Variants in ADH1A observed in about 807,000 individuals in gnomAD.
The protein encoded by ADH1A is alcohol dehydrogenase 1A (class I), alpha polypeptide.
ADH1A carries 29 observed loss-of-function variants against 35.2 expected under a neutral mutation model. That is an observed-to-expected ratio of 0.82 (90% confidence interval 0.61 to 1.12). The LOEUF (loss-of-function observed/expected upper bound fraction) is 1.12, where lower values mean the gene tolerates loss of function less well. Among genes scored for constraint, ADH1A ranks in the 50% most tolerant of loss-of-function variants. The probability of loss-of-function intolerance (pLI) is 0.00; values close to 1 mark genes in which losing one functional copy is unlikely to be tolerated. For missense variants in ADH1A, 469 were observed against 464.7 expected (o/e 1.01, Z -0.09); for synonymous variants, 147 against 164.8 (o/e 0.89, Z 0.83).
intron 1 of ADH1A, among the ~76,000 whole-genome samples, chr4:99,290,139 G>A (rs1384882545): frequency 6.6e-6 from 1 of 152,056 alleles, no homozygotes. Context: ...GTATTTTTGT[G>A]CACCTATAAA....
intron 1 of ADH1A, among the ~76,000 whole-genome samples, chr4:99,290,161 A>G (rs1733258948): frequency 6.6e-6 from 1 of 152,196 alleles, no homozygotes; most frequent in Non-Finnish European, 1.5e-5. Context: ...ACATTGAACA[A>G]TTAAGATATT....
intron 6 of ADH1A, 58 bp from the exon 7 acceptor site, chr4:99,280,337 A>G (rs1395484679): frequency 3.7e-6 from 6 of 1,608,230 alleles, no homozygotes; most frequent in Non-Finnish European, 5.1e-6. Context: ...TCCTATTCAT[A>G]ATGCACAATA....
chr4:99,287,575 C>T lies in ADH1A; in HGVS notation c.109G>A (p.Val37Ile), dbSNP rs758500152. ...VEVAPPKAHEVRIKMVAVGIC... is the reference protein window; with the variant it reads ...VEVAPPKAHEIRIKMVAVGIC... ...AAAATGTATTTCACCTTAATACGAA[C>T]TTCATGGGCCTTAGGAGGTGCAACC... The change falls in exon 2 of 9, where the codon GTT (valine) becomes ATT (isoleucine). Residue 37 changes from valine to isoleucine, a missense_variant. Transcript: ENST00000209668. 5.0e-6 allele frequency: 8 copies of T among 1,612,584 alleles called. No homozygotes were observed. In the Admixed American group the frequency reaches 1.3e-4, roughly 27 times the overall value.
intron 2 of ADH1A, 114 bp from the exon 3 acceptor site, chr4:99,287,102 C>T: frequency 7.8e-7 from 1 of 1,280,210 alleles, no homozygotes; most frequent in East Asian, 2.4e-5. Flanking sequence ...TGCTAATAAT[C>T]CCTACTATCC....
Position 99,276,442 on chromosome 4 carries a change from T to A in ADH1A, c.*182A>T, listed in dbSNP as rs1002970291. 5 of 652,292 alleles carry A rather than the reference T, an allele frequency of 7.7e-6. No individual in the cohort carries two copies. The highest frequency in any genetic ancestry group is 1.3e-5 in the Non-Finnish European group (5 of 371,464). 40.4% of individuals were successfully genotyped at this position (652,292 alleles called of 1,614,324 possible). On this transcript the variant is annotated 3_prime_UTR_variant, in exon 9 of 9. Transcript: ENST00000209668. Reference sequence around the variant, plus strand: ...ACACTTTATTTAGTTCTCATTTGGATTTTAAACATTTGCTTGAAAAATAAT... The same window carrying A: ...ACACTTTATTTAGTTCTCATTTGGAATTTAAACATTTGCTTGAAAAATAAT...
At position 99,290,977 on chromosome 4, in the gene ADH1A, C is replaced by T. The variant is rs999231840; in HGVS notation, c.-63G>A. 2.5e-6 allele frequency: 4 copies of T among 1,570,256 alleles called. No individual in the cohort carries two copies. In the African/African-American group the frequency reaches 4.1e-5, roughly 16 times the overall value. On this transcript the variant is annotated 5_prime_UTR_variant, in exon 1 of 9. Coordinates refer to ENST00000209668, the MANE Select transcript of ADH1A (RefSeq NM_000667.4). ...AGTCCTTGTGGATTTCTTCCCTGCT[C>T]AAGTGCATAAAGCAGGTGTATTGCA...
intron 3 of ADH1A, among the ~76,000 whole-genome samples, chr4:99,285,340 G>C (rs1056696521): frequency 3.3e-5 from 5 of 151,712 alleles, no homozygotes; most frequent in Non-Finnish European, 7.4e-5. Flanking sequence ...TTCTTTTTTT[G>C]AGGAAAACTA....
intron 4 of ADH1A, 24 bp downstream of exon 4, chr4:99,284,692 G>A (rs373148517): frequency 2.2e-5 from 35 of 1,612,100 alleles, no homozygotes; most frequent in Non-Finnish European, 2.6e-5. Context: ...CAATGTCTGC[G>A]CAGGGAGAGC....
intron 1 of ADH1A, 114 bp downstream of exon 1, chr4:99,290,783 A>T: frequency 5.5e-6 from 6 of 1,099,248 alleles, no homozygotes; most frequent in Non-Finnish European, 8.3e-6. Context: ...ATCATATTTC[A>T]GTGTATCATT....
chr4:99,288,461 T>C (rs987252762), intron 1 of ADH1A, among the ~76,000 whole-genome samples: 28 of 152,198 alleles, frequency 1.8e-4, no homozygotes, highest in African/African-American at 6.5e-4. Context: ...ATAGATGTTC[T>C]TAAAAATAAA....
intron 6 of ADH1A, among the ~76,000 whole-genome samples, chr4:99,280,837 A>T (rs182854129): frequency 6.6e-6 from 1 of 152,268 alleles, no homozygotes; most frequent in African/African-American, 2.4e-5. Flanking sequence ...CCAAATATAT[A>T]TAGGTTTTAC....
In ADH1A at chr4:99,288,094, C is replaced by T. The variant is rs572393672; in HGVS notation, c.19-429G>A. Among the ~76,000 whole-genome samples the T allele has an allele frequency of 2.0e-5, 3 of 152,288 alleles. No individual in the cohort carries two copies. The South Asian group carries it at 6.2e-4, about 32-fold the overall frequency. On this transcript the variant is annotated intron_variant, in intron 1 of 8. Coordinates refer to ENST00000209668, the MANE Select transcript of ADH1A (RefSeq NM_000667.4). ...ATACACTGTTTTCTTTCTCAATTTT[C>T]TGCTTAGGCCAAAAGGATCTGAGTT...
At chr4:99,277,657 C>T (rs28364336) in intron 8 of ADH1A, among the ~76,000 whole-genome samples, 2,882 of 151,850 alleles carry the variant, frequency 0.019, 94 homozygotes, top group African/African-American at 0.065. Flanking sequence ...TGAAAATGTG[C>T]GATATTGTAT....
chr4:99,290,588 A>G (rs1214350748), intron 1 of ADH1A, among the ~76,000 whole-genome samples: 4 of 152,276 alleles, frequency 2.6e-5, no homozygotes, highest in Admixed American at 2.6e-4. Flanking sequence ...GACATTTCTA[A>G]CTTTGGCTTT....
Position 99,282,443 on chromosome 4 carries a change from G to T in ADH1A, c.731C>A (p.Pro244His). The T allele has an allele frequency of 6.2e-7, 1 of 1,614,074 alleles. No homozygotes were observed. ...KELGATECIN[P>H]QDYKKPIQEV... ...CTGGATGGGTTTCTTGTAGTCTTGA[G>T]GGTTGATGCATTCAGTGGCACCCAA... Residue 244 changes from proline to histidine, a missense_variant, in exon 6 of 9, where the codon CCT becomes CAT. By Grantham distance (77) the Pro-to-His change is moderately conservative (BLOSUM62 -2). Transcript: ENST00000209668.
chr4:99,282,301 C>A (rs1733025983), intron 6 of ADH1A, 45 bp downstream of exon 6: 2 of 1,614,058 alleles, frequency 1.2e-6, no homozygotes, highest in African/African-American at 1.3e-5. Flanking sequence ...AATGCATCCT[C>A]CAAGTTGTAG....
chr4:99,283,533 AT>A, intron 5 of ADH1A, among the ~76,000 whole-genome samples: 1 of 152,114 alleles, frequency 6.6e-6, no homozygotes, highest in East Asian at 1.9e-4. Flanking sequence ...GGACAACACC[AT>A]TTTCTAACTT....
chr4:99,277,442 C>T (rs537745190), intron 8 of ADH1A, among the ~76,000 whole-genome samples: 342 of 151,924 alleles, frequency 2.3e-3, no homozygotes, highest in African/African-American at 6.3e-3. Context: ...CTTTGTGACT[C>T]TTTAATAATT....
intron 4 of ADH1A, 30 bp downstream of exon 4, chr4:99,284,686 G>A (rs1733099955): frequency 1.9e-6 from 3 of 1,613,450 alleles, no homozygotes; most frequent in East Asian, 2.2e-5. Context: ...CAAACTCAAT[G>A]TCTGCGCAGG....
Sources: gnomAD v4.1 joint callset for allele counts (sites outside exome capture counted in the v4.1 genomes callset) on GRCh38, gnomAD v4.1.1 for gene constraint, MANE v1.5 for transcripts, NCBI Gene and HGNC (gene_info 2026-07-23, HGNC 2026-07-21) for gene names.